The following ASZ1 variants were observed in gnomAD, a reference collection of about 807,000 sequenced individuals.
ASZ1 encodes ankyrin repeat, SAM and basic leucine zipper domain containing 1.
A neutral mutation model predicts 61.8 loss-of-function variants in ASZ1; 67 were observed. That is an observed-to-expected ratio of 1.08 (90% confidence interval 0.89 to 1.33). The LOEUF is 1.33. Ranked by LOEUF, ASZ1 falls within the 40% of genes most tolerant of loss-of-function variation. The pLI is 0.00. For synonymous variants in ASZ1, 193 were observed against 192.7 expected (o/e 1.00, Z -0.01); for missense variants, 577 against 554.5 (o/e 1.04, Z -0.41).
At chr7:117,422,424 T>C in intron 2 of ASZ1, 65 bp from the exon 3 acceptor site, 1 of 1,555,046 alleles carries the variant, frequency 6.4e-7, no homozygotes, top group East Asian at 2.3e-5. Context: ...AGTCACCTTA[T>C]ATGCTTAAAG....
intron 4 of ASZ1, among the ~76,000 whole-genome samples, chr7:117,417,113 A>G (rs1797008289): frequency 6.6e-6 from 1 of 152,172 alleles, no homozygotes; most frequent in Non-Finnish European, 1.5e-5. Context: ...TTCAATCTCA[A>G]GCTTAGAGGC....
chr7:117,383,184 T>C (rs1796288260), intron 6 of ASZ1, 74 bp from the exon 7 acceptor site: 1 of 1,335,968 alleles, frequency 7.5e-7, no homozygotes, highest in Non-Finnish European at 9.7e-7. Context: ...AAACTGAACA[T>C]ACGATTATCT....
chr7:117,387,049 T>A (rs1796369933), intron 4 of ASZ1, among the ~76,000 whole-genome samples: 1 of 151,246 alleles, frequency 6.6e-6, no homozygotes, highest in African/African-American at 2.4e-5. Context: ...GCCTGTAATC[T>A]TACCACTTGG....
chr7:117,426,702 C>G, intron 2 of ASZ1, 134 bp downstream of exon 2: 1 of 803,158 alleles, frequency 1.2e-6, no homozygotes, highest in Non-Finnish European at 2.0e-6. Flanking sequence ...ACTCAGTCAA[C>G]GAAGATTATG....
chr7:117,404,417 C>CTT lies in ASZ1; in HGVS notation c.440+15744_440+15745dup, dbSNP rs57876175. Among the ~76,000 whole-genome samples the CTT allele has an allele frequency of 7.2e-3, 938 of 130,530 alleles. 10 individuals carry two copies. Among genetic ancestry groups the CTT allele is most frequent in the Middle Eastern group, 0.026 (7 of 268 alleles). The allele number at this position is 130,530 out of a possible 152,430, so 85.6% of individuals were successfully genotyped here. ...CTCTGATAAGCCCCTTGACTGTTTCCTTTTTTTTTTTTTTGACTCCTTTGT... is the reference window on the plus strand; with the variant it reads ...CTCTGATAAGCCCCTTGACTGTTTCCTTTTTTTTTTTTTTTTGACTCCTTTGT... On this transcript the variant is annotated intron_variant, in intron 4 of 12. Transcript: ENST00000284629.
intron 11 of ASZ1, 81 bp downstream of exon 11, chr7:117,368,531 A>T: frequency 6.5e-7 from 1 of 1,535,280 alleles, no homozygotes; most frequent in South Asian, 1.3e-5. Flanking sequence ...AATCAATACT[A>T]TTTATTGAAT....
intron 4 of ASZ1, among the ~76,000 whole-genome samples, chr7:117,416,241 G>C (rs1227343481): frequency 6.6e-6 from 1 of 152,142 alleles, no homozygotes; most frequent in African/African-American, 2.4e-5. Context: ...GTCAGTGCTT[G>C]CTACTTGAAG....
At chr7:117,385,890 AC>A in intron 4 of ASZ1, 81 bp from the exon 5 acceptor site, 2 of 1,078,720 alleles carry the variant, frequency 1.9e-6, no homozygotes, top group East Asian at 2.5e-5. Flanking sequence ...CATACACAAT[AC>A]CACCAGTACT....
chr7:117,367,592 G>GA, intron 11 of ASZ1, 127 bp from the exon 12 acceptor site: 1 of 1,169,330 alleles, frequency 8.6e-7, no homozygotes, highest in Non-Finnish European at 1.1e-6. Flanking sequence ...TTTTGTTTAG[G>GA]ATAAATACTG....
chr7:117,410,597 G>C (rs1342120101), intron 4 of ASZ1, among the ~76,000 whole-genome samples: 2 of 151,362 alleles, frequency 1.3e-5, no homozygotes, highest in Non-Finnish European at 3.0e-5. Context: ...AGAATTTCTG[G>C]TTATCATTAT....
At chr7:117,376,318 C>G (rs1770563520) in intron 10 of ASZ1, among the ~76,000 whole-genome samples, 1 of 152,032 alleles carries the variant, frequency 6.6e-6, no homozygotes. Flanking sequence ...AAAAGCTTCC[C>G]CCACAAAATA....
At chr7:117,414,652 G>A (rs1766642526) in intron 4 of ASZ1, among the ~76,000 whole-genome samples, 1 of 152,046 alleles carries the variant, frequency 6.6e-6, no homozygotes, top group South Asian at 2.1e-4. Flanking sequence ...TCTCCTGATA[G>A]GCCCTGGTAT....
intron 2 of ASZ1, among the ~76,000 whole-genome samples, chr7:117,426,488 C>CAAAAAAAAAAAAAAAA (rs10625452): frequency 1.5e-4 from 5 of 34,010 alleles, no homozygotes; most frequent in African/African-American, 3.9e-4. Flanking sequence ...GATAACATCT[C>CAAAAAAAAAAAAAAAA]AAAAAAAAAA....
intron 10 of ASZ1, among the ~76,000 whole-genome samples, chr7:117,379,168 T>TATATATATATACACACACAC (rs1161457624): frequency 2.6e-4 from 18 of 69,704 alleles, no homozygotes; most frequent in African/African-American, 9.8e-4. Context: ...TATATATATA[T>TATATATATATACACACACAC]ACACACACAC....
chr7:117,404,416 CCTTTT>C (rs1796741108), intron 4 of ASZ1, among the ~76,000 whole-genome samples: 1 of 101,886 alleles, frequency 9.8e-6, no homozygotes, highest in Non-Finnish European at 1.8e-5. Context: ...TTGACTGTTT[CCTTTT>C]TTTTTTTTTT....
chr7:117,367,882 T>C, intron 11 of ASZ1: 3 of 985,226 alleles, frequency 3.0e-6, no homozygotes, highest in Non-Finnish European at 3.6e-6. Context: ...CCACTTCCAC[T>C]TTTTCTTTCT....
At chr7:117,422,176 C>T in intron 3 of ASZ1, 61 bp downstream of exon 3, 1 of 1,554,786 alleles carries the variant, frequency 6.4e-7, no homozygotes, top group Non-Finnish European at 8.7e-7. Context: ...TATATAATAG[C>T]TACTTGGAAA....
intron 4 of ASZ1, among the ~76,000 whole-genome samples, chr7:117,399,616 G>C (rs1687724657): frequency 1.3e-5 from 2 of 151,620 alleles, no homozygotes; most frequent in South Asian, 4.2e-4. Flanking sequence ...TTACATTCAA[G>C]AGTTGGCTAC....
intron 4 of ASZ1, among the ~76,000 whole-genome samples, chr7:117,401,922 G>A (rs1325714977): frequency 1.3e-5 from 2 of 152,070 alleles, no homozygotes; most frequent in South Asian, 2.1e-4. Context: ...GCTGTAAAGT[G>A]CATCTGCCAT....
Sources: allele counts gnomAD v4.1 joint callset (sites outside exome capture counted in the v4.1 genomes callset), GRCh38; gene constraint gnomAD v4.1.1; transcripts MANE v1.5; gene names NCBI Gene and HGNC (gene_info 2026-07-23, HGNC 2026-07-21).